The following PDZRN3 variants were observed in gnomAD, a reference collection of about 807,000 sequenced individuals.
PDZRN3 encodes the protein PDZ domain containing ring finger 3.
PDZRN3 carries 38 observed loss-of-function variants against 85.7 expected under a neutral mutation model. The observed-to-expected ratio is 0.44, with a 90% confidence interval of 0.34 to 0.58. PDZRN3 has a LOEUF of 0.58. Among genes scored for constraint, PDZRN3 ranks in the 20% least tolerant of loss-of-function variants. PDZRN3 has a pLI of 0.01. For synonymous variants in PDZRN3, 759 were observed against 638.0 expected, an observed-to-expected ratio of 1.19 and a Z score of -2.86; for missense variants, 1,629 against 1,506.4, an observed-to-expected ratio of 1.08 and a Z score of -1.35.
chr3:73,486,795 C>A (rs1184964596), intron 3 of PDZRN3, among the ~76,000 whole-genome samples: 1 of 152,132 alleles, frequency 6.6e-6, no homozygotes, highest in Non-Finnish European at 1.5e-5. Context: ...GCATAGATAA[C>A]AACTAAACGT....
intron 3 of PDZRN3, among the ~76,000 whole-genome samples, chr3:73,556,193 GTAA>G (rs1701690869): frequency 6.6e-6 from 1 of 151,984 alleles, no homozygotes. Context: ...CATTTAATAA[GTAA>G]TAATCATAAT....
intron 3 of PDZRN3, among the ~76,000 whole-genome samples, chr3:73,426,970 T>C (rs1164194730): frequency 6.6e-6 from 1 of 152,178 alleles, no homozygotes; most frequent in Non-Finnish European, 1.5e-5. Flanking sequence ...CAACTGAACA[T>C]TAGTGCCAAT....
At chr3:73,532,024 C>T (rs578081172) in intron 3 of PDZRN3, among the ~76,000 whole-genome samples, 10 of 152,172 alleles carry the variant, frequency 6.6e-5, no homozygotes, top group Non-Finnish European at 1.0e-4. Flanking sequence ...TTTTTTGAGA[C>T]GGAGTCTCGC....
chr3:73,559,080 C>A (rs1701762443), intron 3 of PDZRN3, among the ~76,000 whole-genome samples: 1 of 152,200 alleles, frequency 6.6e-6, no homozygotes, highest in Non-Finnish European at 1.5e-5. Flanking sequence ...GCACACCAAG[C>A]AACTGGAACA....
At chr3:73,388,541 C>T (rs1437844576) in intron 7 of PDZRN3, among the ~76,000 whole-genome samples, 1 of 152,076 alleles carries the variant, frequency 6.6e-6, no homozygotes, top group Non-Finnish European at 1.5e-5. Flanking sequence ...TTCTTTGGGC[C>T]AGGCGGAGGG....
chr3:73,456,814 T>C (rs1702986709), intron 3 of PDZRN3, among the ~76,000 whole-genome samples: 2 of 152,164 alleles, frequency 1.3e-5, no homozygotes, highest in South Asian at 4.1e-4. Context: ...CAGGCATAAA[T>C]ACTGCCCAGC....
chr3:73,385,001 C>T, intron 9 of PDZRN3, 71 bp from the exon 10 acceptor site: 1 of 1,514,594 alleles, frequency 6.6e-7, no homozygotes, highest in Non-Finnish European at 8.8e-7. Context: ...TTTGACCTTT[C>T]CTTGCGGTTT....
chr3:73,424,541 C>CAAAAAA (rs34550639), intron 3 of PDZRN3, among the ~76,000 whole-genome samples: 9 of 54,164 alleles, frequency 1.7e-4, no homozygotes, highest in South Asian at 8.9e-4. Flanking sequence ...GACTCCATCT[C>CAAAAAA]AAAAAAAAAA....
At chr3:73,568,736 C>A (rs1025912063) in intron 3 of PDZRN3, among the ~76,000 whole-genome samples, 6 of 152,170 alleles carry the variant, frequency 3.9e-5, no homozygotes, top group African/African-American at 1.4e-4. Context: ...ATAGCCCTAC[C>A]TTCTAATACA....
chr3:73,443,357 A>G (rs1446172599), intron 3 of PDZRN3, among the ~76,000 whole-genome samples: 2 of 152,070 alleles, frequency 1.3e-5, no homozygotes, highest in Admixed American at 1.3e-4. Context: ...GGCCTGGGTG[A>G]CTTTCCACAT....
intron 3 of PDZRN3, among the ~76,000 whole-genome samples, chr3:73,463,790 C>T (rs1278687613): frequency 6.6e-6 from 1 of 152,070 alleles, no homozygotes; most frequent in Non-Finnish European, 1.5e-5. Flanking sequence ...CAGTGATAGA[C>T]TGGATAAAGA....
chr3:73,553,000 G>T (rs940844032), intron 3 of PDZRN3, among the ~76,000 whole-genome samples: 5 of 152,172 alleles, frequency 3.3e-5, no homozygotes, highest in African/African-American at 1.2e-4. Flanking sequence ...GGAGTATCAG[G>T]TGACTCTAGT....
chr3:73,596,053 C>T (rs184903532), intron 3 of PDZRN3, among the ~76,000 whole-genome samples: 3 of 152,016 alleles, frequency 2.0e-5, no homozygotes, highest in Non-Finnish European at 2.9e-5. Flanking sequence ...GGAGCAAGGA[C>T]AGAAGATTAA....
intron 3 of PDZRN3, among the ~76,000 whole-genome samples, chr3:73,424,256 G>A (rs1702261311): frequency 6.6e-6 from 1 of 151,502 alleles, no homozygotes; most frequent in Non-Finnish European, 1.5e-5. Context: ...TGCAGGCCAG[G>A]CATGGTGGCT....
chr3:73,512,727 T>G (rs761829877), intron 3 of PDZRN3, among the ~76,000 whole-genome samples: 3 of 152,200 alleles, frequency 2.0e-5, no homozygotes, highest in Non-Finnish European at 2.9e-5. Flanking sequence ...TTATTAAACC[T>G]CCAGCTATAG....
intron 3 of PDZRN3, among the ~76,000 whole-genome samples, chr3:73,576,108 T>C (rs1475336820): frequency 6.9e-6 from 1 of 145,844 alleles, no homozygotes; most frequent in Non-Finnish European, 1.5e-5. Context: ...GCATGCATAC[T>C]CTCTCTCACA....
intron 3 of PDZRN3, among the ~76,000 whole-genome samples, chr3:73,585,977 A>G (rs1357208828): frequency 6.6e-6 from 1 of 152,202 alleles, no homozygotes; most frequent in Admixed American, 6.5e-5. Flanking sequence ...CCTAAGTCTT[A>G]TTGTTAAACA....
At chr3:73,611,444 C>T (rs1051631079) in intron 1 of PDZRN3, among the ~76,000 whole-genome samples, 1 of 152,178 alleles carries the variant, frequency 6.6e-6, no homozygotes, top group African/African-American at 2.4e-5. Flanking sequence ...TCTATGCTTT[C>T]TTGCCAGATG....
At chr3:73,603,874 C>CACACACACACAA (rs1702554078) in intron 2 of PDZRN3, among the ~76,000 whole-genome samples, 1 of 99,030 alleles carries the variant, frequency 1.0e-5, no homozygotes, top group African/African-American at 3.2e-5. Context: ...TCCCCAAACA[C>CACACACACACAA]ACACACACAC....
Sources: gnomAD v4.1 joint callset for allele counts (sites outside exome capture counted in the v4.1 genomes callset) on GRCh38, gnomAD v4.1.1 for gene constraint, MANE v1.5 for transcripts, NCBI Gene and HGNC (gene_info 2026-07-23, HGNC 2026-07-21) for gene names.